Variants in STXBP5 observed in about 807,000 individuals in gnomAD.
STXBP5 encodes the protein syntaxin binding protein 5, also known as syntaxin-binding protein 5.
Under a neutral mutation model 152.4 loss-of-function variants are expected in STXBP5, and 50 were observed. That is an observed-to-expected ratio of 0.33 (90% CI 0.26 to 0.42). The LOEUF is 0.42. Ranked by LOEUF, STXBP5 falls within the 10% of genes least tolerant of loss-of-function variation. STXBP5 has a pLI of 1.00. For synonymous variants in STXBP5, 492 were observed against 494.7 expected, an observed-to-expected ratio of 0.99 and a Z score of 0.07; for missense variants, 1,167 against 1,388.6, an observed-to-expected ratio of 0.84 and a Z score of 2.54.
chr6:147,303,155 T>A (rs1208569695), intron 9 of STXBP5, among the ~76,000 whole-genome samples: 1 of 152,184 alleles, frequency 6.6e-6, no homozygotes, highest in African/African-American at 2.4e-5. Context: ...TTTGTCAATT[T>A]AGTACTGATA....
In STXBP5 at chr6:147,389,625, G is replaced by A. The variant is rs979620004; in HGVS notation, c.*4870G>A. ...ATTTATTGTAGGTTGTTTGATTCAG[G>A]CATTTCAAATGGATATAGGTTAATG... On this transcript the variant is annotated 3_prime_UTR_variant, in exon 28 of 28. Coordinates refer to ENST00000321680, the MANE Select transcript of STXBP5 (RefSeq NM_001127715.4). 2.0e-5 allele frequency: 3 copies of A among 151,768 alleles called. No individual in the cohort carries two copies. Among genetic ancestry groups the A allele is most frequent in the African/African-American group, 7.2e-5 (3 of 41,410 alleles). 9.4% of individuals were successfully genotyped at this position (151,768 alleles called of 1,614,324 possible). A position where few individuals can be genotyped will look rare whatever the true frequency, so the allele number is the denominator to read the frequency against.
chr6:147,212,037 CAAGAGGACATTGCATAA>C (rs1380059702), intron 2 of STXBP5, among the ~76,000 whole-genome samples: 2 of 152,302 alleles, frequency 1.3e-5, no homozygotes, highest in Admixed American at 6.5e-5. Context: ...GCTCCTCATT[CAAGAGGACATTGCATAA>C]AAGGAAGAAT....
intron 4 of STXBP5, among the ~76,000 whole-genome samples, chr6:147,239,554 G>A (rs1483165787): frequency 2.0e-5 from 3 of 151,992 alleles, no homozygotes; most frequent in Non-Finnish European, 4.4e-5. Context: ...TTGCATAAAA[G>A]GGAAGCTATT....
At chr6:147,311,233 G>A (rs1286659826) in intron 10 of STXBP5, among the ~76,000 whole-genome samples, 1 of 152,126 alleles carries the variant, frequency 6.6e-6, no homozygotes, top group Non-Finnish European at 1.5e-5. Flanking sequence ...AGAAATTTCT[G>A]TCTTACTCAT....
intron 19 of STXBP5, among the ~76,000 whole-genome samples, chr6:147,338,715 G>A (rs1783947985): frequency 4.3e-5 from 1 of 23,418 alleles, no homozygotes; most frequent in Non-Finnish European, 9.3e-5. Context: ...AGATTTCTAT[G>A]ATATGTAGTA....
chr6:147,213,477 T>TGTGTGC lies in STXBP5; in HGVS notation c.248+7410_248+7411insTGTGCG. 6.3e-3 allele frequency among the ~76,000 whole-genome samples: 821 copies of TGTGTGC among 131,238 alleles called. 4 individuals carry two copies. The highest frequency in any genetic ancestry group is 0.019 in the Admixed American group (252 of 13,366). 86.1% of individuals were successfully genotyped at this position (131,238 alleles called of 152,430 possible). A position where few individuals can be genotyped will look rare whatever the true frequency, so the allele number is the denominator to read the frequency against. ...GTGTGTGTGTGTGTGTGTGTGTGTG[T>TGTGTGC]GCGCGCGCATATATATATTTTTTCT... is the stretch of plus-strand genomic sequence containing the variant. On this transcript the variant is annotated intron_variant, in intron 2 of 27. Coordinates refer to ENST00000321680, the MANE Select transcript of STXBP5 (RefSeq NM_001127715.4).
chr6:147,211,827 C>T (rs139150762), intron 2 of STXBP5, among the ~76,000 whole-genome samples: 10 of 152,254 alleles, frequency 6.6e-5, no homozygotes. Context: ...CCTCCCAAAA[C>T]GCTGAGATTA....
intron 4 of STXBP5, 125 bp downstream of exon 4, chr6:147,239,395 A>G: frequency 2.8e-6 from 2 of 720,154 alleles, no homozygotes; most frequent in Non-Finnish European, 4.4e-6. Context: ...CAGAAGCTTC[A>G]AAGGATATAC....
intron 5 of STXBP5, among the ~76,000 whole-genome samples, chr6:147,261,889 G>A (rs1021596024): frequency 2.0e-5 from 3 of 151,654 alleles, no homozygotes; most frequent in South Asian, 2.1e-4. Context: ...TTAATAGAAT[G>A]TTTTTCTATT....
At chr6:147,270,341 G>C (rs1780100109) in intron 7 of STXBP5, among the ~76,000 whole-genome samples, 1 of 148,624 alleles carries the variant, frequency 6.7e-6, no homozygotes, top group Admixed American at 6.8e-5. Context: ...GGAGCTTGCA[G>C]TGAACTGAAA....
intron 25 of STXBP5, among the ~76,000 whole-genome samples, chr6:147,371,054 C>G (rs983983350): frequency 2.6e-5 from 4 of 151,898 alleles, no homozygotes; most frequent in Non-Finnish European, 5.9e-5. Context: ...TAAAATCAGA[C>G]AAGTATATTT....
At chr6:147,226,710 A>G (rs960072555) in intron 2 of STXBP5, among the ~76,000 whole-genome samples, 3 of 152,224 alleles carry the variant, frequency 2.0e-5, no homozygotes, top group African/African-American at 7.2e-5. Context: ...ATTGTTACCT[A>G]TGAAATTCTT....
intron 17 of STXBP5, among the ~76,000 whole-genome samples, chr6:147,326,000 G>A (rs1783234550): frequency 6.6e-6 from 1 of 152,184 alleles, no homozygotes; most frequent in East Asian, 1.9e-4. Context: ...AAGTATATGG[G>A]AGACTGTACA....
intron 9 of STXBP5, among the ~76,000 whole-genome samples, chr6:147,299,083 AGTTT>A (rs531883377): frequency 9.1e-4 from 138 of 152,142 alleles, no homozygotes; most frequent in African/African-American, 3.2e-3. Context: ...AATGAAACAC[AGTTT>A]GTTTTCTGAA....
At chr6:147,337,196 C>T (rs1237206638) in intron 19 of STXBP5, among the ~76,000 whole-genome samples, 1 of 141,004 alleles carries the variant, frequency 7.1e-6, no homozygotes, top group Non-Finnish European at 1.6e-5. Context: ...TACATAGACA[C>T]ACACACACAC....
chr6:147,256,916 T>C (rs1779396826), intron 4 of STXBP5, among the ~76,000 whole-genome samples: 1 of 152,164 alleles, frequency 6.6e-6, no homozygotes, highest in African/African-American at 2.4e-5. Context: ...CTTAGGAAGC[T>C]GTACATATTC....
At chr6:147,239,981 C>T (rs1191679308) in intron 4 of STXBP5, among the ~76,000 whole-genome samples, 4 of 150,204 alleles carry the variant, frequency 2.7e-5, no homozygotes, top group Admixed American at 6.6e-5. Flanking sequence ...CTTGCTCTGT[C>T]GCCCAGGCTG....
At chr6:147,379,110 A>AG (rs889864891) in intron 26 of STXBP5, among the ~76,000 whole-genome samples, 2 of 151,592 alleles carry the variant, frequency 1.3e-5, no homozygotes, top group African/African-American at 4.9e-5. Flanking sequence ...ACAGCTGGAA[A>AG]AAAAAAAAAC....
intron 9 of STXBP5, among the ~76,000 whole-genome samples, chr6:147,308,415 G>A (rs989604554): frequency 2.6e-5 from 4 of 152,080 alleles, no homozygotes. Flanking sequence ...ATAAATGATA[G>A]TAAGGTAGCA....
Sources: gnomAD v4.1 joint callset for allele counts (sites outside exome capture counted in the v4.1 genomes callset) on GRCh38, gnomAD v4.1.1 for gene constraint, MANE v1.5 for transcripts, NCBI Gene and HGNC (gene_info 2026-07-23, HGNC 2026-07-21) for gene names.